CA10: variants seen among roughly 807,000 people sequenced by gnomAD.
CA10 encodes carbonic anhydrase 10 (inactive), also known as carbonic anhydrase-related protein 10.
In CA10, 14 loss-of-function variants were observed where a neutral mutation model predicts 44.2. That is an observed-to-expected ratio of 0.32 (90% CI 0.21 to 0.50). The LOEUF is 0.50. CA10 is among the 20% of genes least tolerant of loss of function. The pLI, the probability that CA10 is intolerant of heterozygous loss-of-function variation, is 0.99. For synonymous variants in CA10, 159 were observed against 141.6 expected (o/e 1.12, Z -0.87); for missense variants, 350 against 409.7 (o/e 0.85, Z 1.26).
intron 1 of CA10, among the ~76,000 whole-genome samples, chr17:52,115,060 T>C (rs1988863602): frequency 6.6e-6 from 1 of 152,214 alleles, no homozygotes; most frequent in East Asian, 1.9e-4. Context: ...CACAGGGTCT[T>C]TCCTGGGCAT....
intron 4 of CA10, among the ~76,000 whole-genome samples, chr17:51,723,297 T>G (rs1381725979): frequency 6.6e-6 from 1 of 152,100 alleles, no homozygotes; most frequent in Non-Finnish European, 1.5e-5. Context: ...CAGCTAAAAA[T>G]TAGCGCTGAA....
intron 6 of CA10, among the ~76,000 whole-genome samples, chr17:51,636,514 G>A (rs1207042415): frequency 6.6e-6 from 1 of 152,182 alleles, no homozygotes; most frequent in Non-Finnish European, 1.5e-5. Flanking sequence ...ACAGGATGGG[G>A]CCCTGAGCAT....
At chr17:52,002,085 C>T (rs1429486805) in intron 2 of CA10, among the ~76,000 whole-genome samples, 1 of 151,892 alleles carries the variant, frequency 6.6e-6, no homozygotes, top group Non-Finnish European at 1.5e-5. Flanking sequence ...AGAGCCCACA[C>T]ATATTAAAGC....
chr17:51,649,887 A>AAAC (rs58496895), intron 5 of CA10, among the ~76,000 whole-genome samples: 11 of 152,010 alleles, frequency 7.2e-5, no homozygotes, highest in South Asian at 2.1e-4. Flanking sequence ...GGAAAAAAAA[A>AAAC]AAAACTGAAA....
intron 1 of CA10, among the ~76,000 whole-genome samples, chr17:52,133,997 G>C (rs1350664363): frequency 1.3e-5 from 2 of 152,160 alleles, no homozygotes; most frequent in African/African-American, 4.8e-5. Flanking sequence ...CTGGTGATGT[G>C]AGCCAAGCTA....
At chr17:51,870,639 T>C (rs1021413771) in intron 3 of CA10, among the ~76,000 whole-genome samples, 20 of 152,260 alleles carry the variant, frequency 1.3e-4, no homozygotes, top group Non-Finnish European at 2.6e-4. Context: ...TGAGCACTTA[T>C]TGACATGCTA....
At chr17:51,849,079 G>A (rs1978623958) in intron 3 of CA10, among the ~76,000 whole-genome samples, 1 of 147,194 alleles carries the variant, frequency 6.8e-6, no homozygotes, top group South Asian at 2.1e-4. Flanking sequence ...ATGTATTTAT[G>A]TATATATGTG....
intron 1 of CA10, among the ~76,000 whole-genome samples, chr17:52,146,629 G>A (rs1023494700): frequency 1.3e-5 from 2 of 152,148 alleles, no homozygotes; most frequent in Middle Eastern, 3.4e-3. Context: ...GGCGGAGCTT[G>A]CAGTGAGCCG....
At chr17:52,023,271 TG>T (rs1986197940) in intron 2 of CA10, among the ~76,000 whole-genome samples, 1 of 151,964 alleles carries the variant, frequency 6.6e-6, no homozygotes, top group South Asian at 2.1e-4. Flanking sequence ...CATACACCAA[TG>T]GAACAAAATA....
At chr17:52,105,637 C>T (rs1326538261) in intron 1 of CA10, among the ~76,000 whole-genome samples, 4 of 152,206 alleles carry the variant, frequency 2.6e-5, no homozygotes, top group Non-Finnish European at 4.4e-5. Context: ...CAGTACCTTC[C>T]ACAGAAGTGT....
intron 3 of CA10, among the ~76,000 whole-genome samples, chr17:51,838,537 A>C (rs1021719198): frequency 2.0e-5 from 3 of 152,250 alleles, no homozygotes; most frequent in Non-Finnish European, 4.4e-5. Context: ...TTTAATTGCC[A>C]TGAGGCGCTG....
intron 1 of CA10, among the ~76,000 whole-genome samples, chr17:52,099,964 A>C (rs1044995280): frequency 6.6e-6 from 1 of 152,186 alleles, no homozygotes; most frequent in Non-Finnish European, 1.5e-5. Context: ...TAGTGGCCCT[A>C]GTGGAGTGGT....
intron 2 of CA10, among the ~76,000 whole-genome samples, chr17:52,030,700 G>T (rs947949415): frequency 1.3e-5 from 2 of 152,018 alleles, no homozygotes; most frequent in African/African-American, 4.8e-5. Context: ...ATATGAGGAG[G>T]CACCATTCAT....
At chr17:51,926,479 C>G (rs1982434520) in intron 3 of CA10, among the ~76,000 whole-genome samples, 1 of 152,098 alleles carries the variant, frequency 6.6e-6, no homozygotes, top group Non-Finnish European at 1.5e-5. Flanking sequence ...ATTAGTGGCT[C>G]AAGTGAACTC....
intron 4 of CA10, among the ~76,000 whole-genome samples, chr17:51,711,641 G>T (rs1915945681): frequency 6.6e-6 from 1 of 152,224 alleles, no homozygotes; most frequent in African/African-American, 2.4e-5. Context: ...AAAGGGGAAG[G>T]AGGAAAGCGG....
intron 3 of CA10, among the ~76,000 whole-genome samples, chr17:51,808,707 TG>T (rs1175804088): frequency 1.7e-4 from 26 of 152,296 alleles, no homozygotes. Context: ...ATATTGTAAG[TG>T]GAAAAAGCGA....
intron 3 of CA10, among the ~76,000 whole-genome samples, chr17:51,923,648 T>C (rs1338113437): frequency 6.6e-6 from 1 of 152,158 alleles, no homozygotes; most frequent in African/African-American, 2.4e-5. Context: ...TGCAATCAGG[T>C]TCAGAGGAAA....
intron 2 of CA10, among the ~76,000 whole-genome samples, chr17:52,035,920 G>A (rs887950055): frequency 6.6e-6 from 1 of 152,174 alleles, no homozygotes; most frequent in African/African-American, 2.4e-5. Flanking sequence ...ACAGGCCTTG[G>A]GTAGGATTTG....
chr17:51,930,531 T>C (rs1404435859), intron 3 of CA10, among the ~76,000 whole-genome samples: 1 of 151,100 alleles, frequency 6.6e-6, no homozygotes, highest in Non-Finnish European at 1.5e-5. Flanking sequence ...GAAGATTAAT[T>C]ATTGATTTTC....
Sources: gnomAD v4.1 joint callset for allele counts (sites outside exome capture counted in the v4.1 genomes callset) on GRCh38, gnomAD v4.1.1 for gene constraint, MANE v1.5 for transcripts, NCBI Gene and HGNC (gene_info 2026-07-23, HGNC 2026-07-21) for gene names.